Variants in CEP41 observed in about 807,000 individuals in gnomAD.
CEP41 encodes the protein centrosomal protein of 41 kDa.
A neutral mutation model predicts 44.3 loss-of-function variants in CEP41; 32 were observed. The ratio of observed to expected loss-of-function variants is 0.72; its 90% CI spans 0.54 to 0.97. CEP41 has a LOEUF of 0.97. CEP41 is among the 50% of genes least tolerant of loss of function. The pLI, the probability that CEP41 is intolerant of heterozygous loss-of-function variation, is 0.00. For synonymous variants in CEP41, 151 were observed against 168.5 expected, an observed-to-expected ratio of 0.90 and a Z score of 0.80; for missense variants, 432 against 455.2, an observed-to-expected ratio of 0.95 and a Z score of 0.46.
chr7:130,400,081 C>A lies in CEP41; in HGVS notation c.931G>T (p.Glu311Ter), dbSNP rs1554416457. ...CCTTGCTCCTCTTCCAGATAATATT[C>A]TATCTTTTTTAAGTCTTCTGGGGTA... ...RFTPEDLKKI[E>*]YYLEEEQGPA... Residue 311 changes from glutamate to a stop codon, truncating the protein, a stop_gained, in exon 10 of 11, where the codon GAA (glutamate) becomes TAA (stop). Transcript: ENST00000223208. LOFTEE classifies it low-confidence loss of function (END_TRUNC). 1 of 1,612,856 alleles carries A rather than the reference C, an allele frequency of 6.2e-7. No individual in the cohort carries two copies. Among genetic ancestry groups the A allele is most frequent in the East Asian group, 2.2e-5 (1 of 44,894 alleles).
intron 2 of CEP41, chr7:130,427,123 T>G (rs1160386210): frequency 6.4e-6 from 1 of 155,526 alleles, no homozygotes; most frequent in Non-Finnish European, 1.4e-5. Context: ...ACAAAATGAT[T>G]TAAACAAAGT....
intron 1 of CEP41, among the ~76,000 whole-genome samples, chr7:130,430,193 G>A (rs918230487): frequency 1.2e-4 from 19 of 152,030 alleles, no homozygotes; most frequent in Non-Finnish European, 2.2e-4. Context: ...TTTAAAACTA[G>A]AGGCACCTTT....
chr7:130,411,531 T>A (rs1797182424), intron 4 of CEP41, among the ~76,000 whole-genome samples: 1 of 152,234 alleles, frequency 6.6e-6, no homozygotes, highest in Admixed American at 6.5e-5. Flanking sequence ...AATGCAATAC[T>A]GACCTAGCAT....
In CEP41 at chr7:130,440,722, C is replaced by T. The variant is rs1554427373; in HGVS notation, c.33+212G>A. ...AGTCACAAGTACTGGCGTGCGTACG[C>T]GGGGAGAGATCGCTCCTCAAAACGG... is the stretch of plus-strand genomic sequence containing the variant. On this transcript the variant is annotated intron_variant, in intron 1 of 10. Transcript: ENST00000223208. 23 of 624,038 alleles carry T rather than the reference C, an allele frequency of 3.7e-5. No homozygotes were observed. In the South Asian group the frequency reaches 4.3e-4, roughly 12 times the overall value. 38.7% of individuals were successfully genotyped at this position (624,038 alleles called of 1,614,324 possible). A position where few individuals can be genotyped will look rare whatever the true frequency, so the allele number is the denominator to read the frequency against.
chr7:130,440,631 C>G (rs1554427344), intron 1 of CEP41: 2 of 569,166 alleles, frequency 3.5e-6, no homozygotes, highest in African/African-American at 1.9e-5. Context: ...TGTTTTGTAA[C>G]TGTCACTCCG....
intron 3 of CEP41, 59 bp from the exon 4 acceptor site, chr7:130,412,299 T>G: frequency 1.2e-6 from 1 of 849,430 alleles, no homozygotes. Flanking sequence ...CTATTCTTTC[T>G]AGTTGTCAAG....
chr7:130,410,071 G>C (rs1340652882), intron 5 of CEP41, among the ~76,000 whole-genome samples: 1 of 126,600 alleles, frequency 7.9e-6, no homozygotes, highest in Non-Finnish European at 1.6e-5. Flanking sequence ...TGTTGCCCAG[G>C]CTGGAGTGCA....
chr7:130,393,983 C>T lies in CEP41; in HGVS notation c.*4908G>A, dbSNP rs552988501. On this transcript the variant is annotated 3_prime_UTR_variant, in exon 11 of 11. Transcript: ENST00000223208. ...CACAGGCGGTGGAAATGTGGAAATA[C>T]GCATTCCCCAGAGCAGATGTTTCAG... 401 of 454,078 alleles carry T rather than the reference C, an allele frequency of 8.8e-4. No individual in the cohort carries two copies. Among genetic ancestry groups the T allele is most frequent in the Non-Finnish European group, 1.5e-3 (341 of 226,788 alleles). The allele number at this position is 454,078 out of a possible 1,614,324, so 28.1% of individuals were successfully genotyped here. A position where few individuals can be genotyped will look rare whatever the true frequency, so the allele number is the denominator to read the frequency against.
At chr7:130,408,716 C>T (rs1377497400) in intron 5 of CEP41, among the ~76,000 whole-genome samples, 1 of 152,156 alleles carries the variant, frequency 6.6e-6, no homozygotes. Context: ...CTTTGACCCT[C>T]TGCAGCAATT....
intron 1 of CEP41, among the ~76,000 whole-genome samples, chr7:130,433,329 G>GA (rs35353510): frequency 0.031 from 4,201 of 133,508 alleles, 71 homozygotes; most frequent in Non-Finnish European, 0.043. Context: ...ATTTTGTTTT[G>GA]AAAAAAAAAA....
At chr7:130,416,870 G>T in intron 3 of CEP41, 49 bp downstream of exon 3, 2 of 1,382,920 alleles carry the variant, frequency 1.4e-6, no homozygotes, top group Non-Finnish European at 2.1e-6. Flanking sequence ...CCAATTTATA[G>T]AACAACTATA....
intron 2 of CEP41, chr7:130,426,587 A>C: frequency 2.2e-6 from 1 of 453,118 alleles, no homozygotes; most frequent in Non-Finnish European, 4.4e-6. Context: ...TAATATCTAG[A>C]CTCCTCAGAA....
chr7:130,407,605 A>G (rs1373447152), intron 5 of CEP41, among the ~76,000 whole-genome samples: 1 of 152,200 alleles, frequency 6.6e-6, no homozygotes, highest in Non-Finnish European at 1.5e-5. Flanking sequence ...AGGGAGAACT[A>G]CTGAGTATAT....
intron 1 of CEP41, among the ~76,000 whole-genome samples, chr7:130,429,229 C>T (rs1263008141): frequency 6.6e-6 from 1 of 152,186 alleles, no homozygotes; most frequent in African/African-American, 2.4e-5. Context: ...CCCGCTGCTC[C>T]CCAGAGTCTG....
intron 9 of CEP41, 194 bp from the exon 10 acceptor site, chr7:130,400,448 G>T: frequency 1.5e-6 from 1 of 648,450 alleles, no homozygotes; most frequent in Non-Finnish European, 2.8e-6. Context: ...GGGATTCTGA[G>T]AATTCCACAA....
chr7:130,440,299 T>C, intron 1 of CEP41, among the ~76,000 whole-genome samples: 1 of 152,150 alleles, frequency 6.6e-6, no homozygotes, highest in East Asian at 1.9e-4. Flanking sequence ...GATTACAGGC[T>C]GAGCCACCGC....
intron 1 of CEP41, among the ~76,000 whole-genome samples, chr7:130,437,333 A>G (rs1797995409): frequency 6.6e-6 from 1 of 151,158 alleles, no homozygotes; most frequent in African/African-American, 2.4e-5. Flanking sequence ...ATGAGTGAAA[A>G]TATAAATATC....
chr7:130,431,118 C>A (rs775789527), intron 1 of CEP41, among the ~76,000 whole-genome samples: 1 of 146,814 alleles, frequency 6.8e-6, no homozygotes, highest in African/African-American at 2.5e-5. Context: ...TAGTACCAAC[C>A]GCAATGTAAA....
At chr7:130,428,331 G>A (rs146064670) in intron 1 of CEP41, among the ~76,000 whole-genome samples, 3,340 of 149,994 alleles carry the variant, frequency 0.022, 40 homozygotes, top group Non-Finnish European at 0.031. Context: ...GGCCGAGGCA[G>A]GAGAATCGCT....
Sources: gnomAD v4.1 joint callset for allele counts (sites outside exome capture counted in the v4.1 genomes callset) on GRCh38, gnomAD v4.1.1 for gene constraint, MANE v1.5 for transcripts, NCBI Gene and HGNC (gene_info 2026-07-23, HGNC 2026-07-21) for gene names.